The following CDH13 variants were observed in gnomAD, a reference collection of about 807,000 sequenced individuals.
The protein encoded by CDH13 is cadherin-13.
A neutral mutation model predicts 63.8 loss-of-function variants in CDH13; 24 were observed. The ratio of observed to expected loss-of-function variants is 0.38; its 90% confidence interval spans 0.27 to 0.53. The LOEUF is 0.53. Ranked by LOEUF, CDH13 falls within the 20% of genes least tolerant of loss-of-function variation. The pLI is 0.85. For missense variants in CDH13, 1,049 were observed against 903.1 expected, an observed-to-expected ratio of 1.16 and a Z score of -2.07; for synonymous variants, 503 against 355.3, an observed-to-expected ratio of 1.42 and a Z score of -4.67.
At chr16:82,850,561 C>T (rs980505107) in intron 1 of CDH13, among the ~76,000 whole-genome samples, 1 of 152,138 alleles carries the variant, frequency 6.6e-6, no homozygotes, top group Non-Finnish European at 1.5e-5. Flanking sequence ...GTTGATAAAG[C>T]AGCAGCAGGG....
At chr16:83,774,276 C>G (rs1567586937) in intron 11 of CDH13, among the ~76,000 whole-genome samples, 1 of 152,182 alleles carries the variant, frequency 6.6e-6, no homozygotes, top group South Asian at 2.1e-4. Flanking sequence ...CCCAGCCTGA[C>G]TATGACACAG....
intron 1 of CDH13, among the ~76,000 whole-genome samples, chr16:82,708,238 C>T (rs534758109): frequency 3.4e-4 from 52 of 152,324 alleles, no homozygotes; most frequent in African/African-American, 1.2e-3. Context: ...AGTGACGCTG[C>T]GAAATCTAGC....
intron 1 of CDH13, among the ~76,000 whole-genome samples, chr16:82,640,086 G>A (rs1909200816): frequency 6.6e-6 from 1 of 152,190 alleles, no homozygotes; most frequent in Admixed American, 6.5e-5. Flanking sequence ...GAGAAAGACA[G>A]GAAACAAGAA....
At chr16:82,700,545 GTC>G (rs1464872011) in intron 1 of CDH13, among the ~76,000 whole-genome samples, 4 of 145,652 alleles carry the variant, frequency 2.7e-5, no homozygotes, top group African/African-American at 2.5e-5. Flanking sequence ...GTGTGTGTGT[GTC>G]TGTGTGTCTT....
At chr16:82,978,195 A>G (rs1198790223) in intron 2 of CDH13, among the ~76,000 whole-genome samples, 1 of 152,232 alleles carries the variant, frequency 6.6e-6, no homozygotes, top group Non-Finnish European at 1.5e-5. Context: ...TTATGTATTC[A>G]TAAAGACATG....
intron 2 of CDH13, among the ~76,000 whole-genome samples, chr16:82,943,631 A>T (rs951569298): frequency 1.3e-5 from 2 of 152,196 alleles, no homozygotes; most frequent in African/African-American, 4.8e-5. Flanking sequence ...ACCAGCCCCT[A>T]TCAAGTCAAT....
At chr16:82,819,724 A>G (rs2037908699) in intron 1 of CDH13, among the ~76,000 whole-genome samples, 1 of 152,234 alleles carries the variant, frequency 6.6e-6, no homozygotes, top group Admixed American at 6.5e-5. Context: ...TTCTTCTTCA[A>G]AATGTATTGA....
At chr16:82,794,071 C>A (rs892679128) in intron 1 of CDH13, among the ~76,000 whole-genome samples, 1 of 152,002 alleles carries the variant, frequency 6.6e-6, no homozygotes, top group Non-Finnish European at 1.5e-5. Context: ...AATCCGAGGC[C>A]CGTGGGTCAC....
At chr16:83,626,278 G>A (rs767048446) in intron 8 of CDH13, among the ~76,000 whole-genome samples, 43 of 152,266 alleles carry the variant, frequency 2.8e-4, no homozygotes, top group Non-Finnish European at 2.8e-4. Flanking sequence ...TAGAGGCCCC[G>A]AGGAATGCAG....
intron 8 of CDH13, among the ~76,000 whole-genome samples, chr16:83,622,467 C>A (rs921472936): frequency 6.6e-6 from 1 of 152,212 alleles, no homozygotes; most frequent in African/African-American, 2.4e-5. Context: ...ACCATTCTTG[C>A]AGCAGTATTA....
chr16:83,016,127 G>T (rs1473903953), intron 2 of CDH13, among the ~76,000 whole-genome samples: 1 of 152,254 alleles, frequency 6.6e-6, no homozygotes, highest in South Asian at 2.1e-4. Flanking sequence ...CCTAAGGGAT[G>T]TAATAAAAAT....
intron 10 of CDH13, among the ~76,000 whole-genome samples, chr16:83,714,761 A>G (rs918307450): frequency 3.3e-5 from 5 of 152,178 alleles, no homozygotes; most frequent in African/African-American, 1.2e-4. Flanking sequence ...TAGCTTTTCT[A>G]TAGAAGACAG....
intron 2 of CDH13, among the ~76,000 whole-genome samples, chr16:82,917,805 C>G (rs983782547): frequency 2.0e-5 from 3 of 150,768 alleles, no homozygotes; most frequent in Non-Finnish European, 2.9e-5. Flanking sequence ...ATCTCAGATA[C>G]TTGGGAGGCT....
At position 83,378,900 on chromosome 16, in the gene CDH13, C is replaced by T. The variant is rs891436676; in HGVS notation, c.781+33894C>T. 1.4e-3 allele frequency among the ~76,000 whole-genome samples: 207 copies of T among 152,214 alleles called. 3 individuals carry two copies. Among genetic ancestry groups the T allele is most frequent in the African/African-American group, 4.2e-3 (176 of 41,530 alleles). On this transcript the variant is annotated intron_variant, in intron 6 of 13. Transcript: ENST00000567109. ...GCTCACACCATTGTCTCATGCTAAA[C>T]TTGTGGTCCACCAGAAACTTAAGTG...
At chr16:82,739,394 T>G (rs971420240) in intron 1 of CDH13, among the ~76,000 whole-genome samples, 13 of 152,318 alleles carry the variant, frequency 8.5e-5, no homozygotes, top group African/African-American at 2.4e-4. Flanking sequence ...AGAAGCTTTC[T>G]TAGTCCCTGA....
At chr16:83,106,509 C>T (rs1198443449) in intron 3 of CDH13, among the ~76,000 whole-genome samples, 2 of 152,266 alleles carry the variant, frequency 1.3e-5, no homozygotes, top group African/African-American at 4.8e-5. Context: ...CCATTGCACT[C>T]CAGCCTGGGC....
chr16:83,545,629 G>T (rs1021179287), intron 7 of CDH13, among the ~76,000 whole-genome samples: 2 of 152,140 alleles, frequency 1.3e-5, no homozygotes, highest in African/African-American at 4.8e-5. Context: ...GGCTGTAGGT[G>T]AATTTTAATC....
At chr16:83,120,080 T>C (rs1250297507) in intron 3 of CDH13, among the ~76,000 whole-genome samples, 1 of 149,622 alleles carries the variant, frequency 6.7e-6, no homozygotes, top group Non-Finnish European at 1.5e-5. Context: ...GCCCAGAGAG[T>C]CGACATGCAC....
chr16:83,676,329 T>C (rs1175729191), intron 9 of CDH13, among the ~76,000 whole-genome samples: 1 of 152,116 alleles, frequency 6.6e-6, no homozygotes, highest in Non-Finnish European at 1.5e-5. Context: ...GGGGTGGAAA[T>C]GGCCCTTGGG....
Sources: gnomAD v4.1 joint callset for allele counts (sites outside exome capture counted in the v4.1 genomes callset) on GRCh38, gnomAD v4.1.1 for gene constraint, MANE v1.5 for transcripts, NCBI Gene and HGNC (gene_info 2026-07-23, HGNC 2026-07-21) for gene names.